The following FOXP1 variants were observed in gnomAD, a reference collection of about 807,000 sequenced individuals.
FOXP1 encodes forkhead box protein P1.
In FOXP1, 15 loss-of-function variants were observed where a neutral mutation model predicts 98.2. The ratio of observed to expected loss-of-function variants is 0.15; its 90% CI spans 0.10 to 0.24. The LOEUF is 0.24. FOXP1 is among the 10% of genes least tolerant of loss of function. The probability of loss-of-function intolerance (pLI) is 1.00; values close to 1 mark genes in which losing one functional copy is unlikely to be tolerated. For synonymous variants in FOXP1, 371 were observed against 314.5 expected (o/e 1.18, Z -1.90); for missense variants, 633 against 848.5 (o/e 0.75, Z 3.15).
chr3:71,276,955 C>CTTTTT (rs34014285), intron 5 of FOXP1, among the ~76,000 whole-genome samples: 10 of 129,466 alleles, frequency 7.7e-5, no homozygotes, highest in African/African-American at 2.6e-4. Context: ...AGTAGATCAA[C>CTTTTT]TTTTTTTTTT....
chr3:71,350,295 C>T (rs2077694050), intron 4 of FOXP1, among the ~76,000 whole-genome samples: 1 of 152,134 alleles, frequency 6.6e-6, no homozygotes, highest in South Asian at 2.1e-4. Context: ...GACCGTCTTT[C>T]CCTTGGCTAC....
At chr3:71,565,600 A>G (rs1326343341) in intron 2 of FOXP1, among the ~76,000 whole-genome samples, 1 of 152,236 alleles carries the variant, frequency 6.6e-6, no homozygotes, top group Admixed American at 6.5e-5. Context: ...TACTTGGTAT[A>G]GTACCTAGTA....
intron 3 of FOXP1, among the ~76,000 whole-genome samples, chr3:71,380,028 A>G (rs1392503786): frequency 6.6e-6 from 1 of 152,256 alleles, no homozygotes; most frequent in Non-Finnish European, 1.5e-5. Context: ...GGTGGTATTT[A>G]GATCAACATC....
At chr3:71,455,065 G>A (rs2087337865) in intron 3 of FOXP1, among the ~76,000 whole-genome samples, 1 of 152,184 alleles carries the variant, frequency 6.6e-6, no homozygotes, top group Non-Finnish European at 1.5e-5. Flanking sequence ...GGCGGGGGCA[G>A]TGTTCTGGAA....
chr3:70,979,279 C>CAAAGAAAAAAA, intron 14 of FOXP1, among the ~76,000 whole-genome samples: 1 of 42,552 alleles, frequency 2.4e-5, no homozygotes, highest in Non-Finnish European at 3.7e-5. Flanking sequence ...GACTCTACCT[C>CAAAGAAAAAAA]AAAAAAAAAA....
At chr3:71,413,961 G>A (rs969455319) in intron 3 of FOXP1, among the ~76,000 whole-genome samples, 1 of 151,934 alleles carries the variant, frequency 6.6e-6, no homozygotes, top group African/African-American at 2.4e-5. Context: ...ATGAGGGGAG[G>A]AATGTGAAGC....
chr3:71,573,323 G>A (rs1396223905), intron 2 of FOXP1, among the ~76,000 whole-genome samples: 2 of 152,074 alleles, frequency 1.3e-5, no homozygotes, highest in Non-Finnish European at 2.9e-5. Flanking sequence ...GTGAACTTTC[G>A]CCAGGTGGAG....
chr3:71,343,495 G>C (rs537584037), intron 4 of FOXP1, among the ~76,000 whole-genome samples: 37 of 151,706 alleles, frequency 2.4e-4, no homozygotes, highest in Non-Finnish European at 4.6e-4. Context: ...GTTGGGTTAC[G>C]GGGCGGGGAA....
At chr3:71,295,804 G>T (rs143677432) in intron 5 of FOXP1, among the ~76,000 whole-genome samples, 1 of 152,282 alleles carries the variant, frequency 6.6e-6, no homozygotes, top group African/African-American at 2.4e-5. Flanking sequence ...ACCTTTATTA[G>T]ATCACCAAAC....
In FOXP1 at chr3:71,393,825, C is replaced by A. The variant is rs546388747; in HGVS notation, c.-167-34581G>T. On this transcript the variant is annotated intron_variant, in intron 3 of 20. Coordinates refer to ENST00000649528, the MANE Select transcript of FOXP1 (RefSeq NM_001349338.3). Reference sequence around the variant, plus strand: ...TGAAAACTACTCTTGGAGAACCTGACCTATGGACTCTCTCATCCCATCTGA... The same window carrying A: ...TGAAAACTACTCTTGGAGAACCTGAACTATGGACTCTCTCATCCCATCTGA... Among the ~76,000 whole-genome samples the A allele has an allele frequency of 4.1e-4, 62 of 152,284 alleles. 1 individual carries two copies. In the South Asian group the frequency reaches 0.013, roughly 31 times the overall value.
chr3:70,985,907 T>C (rs947617802), intron 14 of FOXP1, among the ~76,000 whole-genome samples: 1 of 152,194 alleles, frequency 6.6e-6, no homozygotes, highest in Non-Finnish European at 1.5e-5. Flanking sequence ...TTGGACTTCT[T>C]TGCAAAAGAA....
chr3:71,303,788 A>G (rs984658754), intron 4 of FOXP1, among the ~76,000 whole-genome samples: 23 of 152,160 alleles, frequency 1.5e-4, no homozygotes, highest in African/African-American at 5.3e-4. Flanking sequence ...AAAAGAAGAA[A>G]ATAAAAACGG....
chr3:71,386,085 C>T (rs59018829), intron 3 of FOXP1, among the ~76,000 whole-genome samples: 31,311 of 152,074 alleles, frequency 0.21, 3,391 homozygotes, highest in South Asian at 0.32. Flanking sequence ...CACCAAGTAC[C>T]GCCCAAAACG....
intron 2 of FOXP1, among the ~76,000 whole-genome samples, chr3:71,522,651 C>T (rs2043079909): frequency 6.6e-6 from 1 of 152,164 alleles, no homozygotes; most frequent in Non-Finnish European, 1.5e-5. Flanking sequence ...AAGACTGAGA[C>T]CATAACTCAG....
chr3:71,204,157 G>A lies in FOXP1; in HGVS notation c.-11-5765C>T, dbSNP rs550442073. On this transcript the variant is annotated intron_variant, in intron 5 of 20. Coordinates refer to ENST00000649528, the MANE Select transcript of FOXP1 (RefSeq NM_001349338.3). ...GAGAGGTACTTTTAAAATTACTCAT[G>A]TTGCATCATTAAGATTTAAAACCTT... 2.8e-4 allele frequency among the ~76,000 whole-genome samples: 43 copies of A among 152,216 alleles called. 1 individual carries two copies. In the South Asian group the frequency reaches 8.5e-3, roughly 30 times the overall value.
intron 4 of FOXP1, among the ~76,000 whole-genome samples, chr3:71,323,264 C>T (rs1331333061): frequency 6.6e-6 from 1 of 152,060 alleles, no homozygotes; most frequent in Non-Finnish European, 1.5e-5. Flanking sequence ...AATATATAGT[C>T]AGGGTTGAAA....
intron 2 of FOXP1, among the ~76,000 whole-genome samples, chr3:71,567,638 G>A (rs1172263959): frequency 6.6e-6 from 1 of 152,200 alleles, no homozygotes; most frequent in African/African-American, 2.4e-5. Flanking sequence ...TCCATAAAAT[G>A]ACTTTTGCAT....
intron 3 of FOXP1, among the ~76,000 whole-genome samples, chr3:71,376,984 A>C (rs1051616966): frequency 6.6e-6 from 1 of 152,204 alleles, no homozygotes; most frequent in Non-Finnish European, 1.5e-5. Context: ...TTGAGTCTTC[A>C]TCTTCTTTTA....
chr3:71,052,778 C>T lies in FOXP1; in HGVS notation c.421-152G>A. 1.6e-5 allele frequency: 11 copies of T among 688,110 alleles called. No homozygotes were observed. In the Admixed American group the frequency reaches 1.7e-4, roughly 11 times the overall value. 42.6% of individuals were successfully genotyped at this position (688,110 alleles called of 1,614,324 possible). A position where few individuals can be genotyped will look rare whatever the true frequency, so the allele number is the denominator to read the frequency against. On this transcript the variant is annotated intron_variant, in intron 8 of 20. Transcript: ENST00000649528. ...TTGAAACTCGACAATAAATTCAGCGCACACTGACTATTCTTGGCATTATTG... is the reference window on the plus strand; with the variant it reads ...TTGAAACTCGACAATAAATTCAGCGTACACTGACTATTCTTGGCATTATTG...
Sources: gnomAD v4.1 joint callset for allele counts (sites outside exome capture counted in the v4.1 genomes callset) on GRCh38, gnomAD v4.1.1 for gene constraint, MANE v1.5 for transcripts, NCBI Gene and HGNC (gene_info 2026-07-23, HGNC 2026-07-21) for gene names.